Variants in ARRB2 observed in about 807,000 individuals in gnomAD.
The protein encoded by ARRB2 is arrestin beta 2.
A neutral mutation model predicts 53.4 loss-of-function variants in ARRB2; 21 were observed. The ratio of observed to expected loss-of-function variants is 0.39; its 90% CI spans 0.28 to 0.57. The LOEUF (loss-of-function observed/expected upper bound fraction) is 0.57. Ranked by LOEUF, ARRB2 falls within the 20% of genes least tolerant of loss-of-function variation. ARRB2 has a pLI of 0.55. For missense variants in ARRB2, 369 were observed against 527.5 expected (o/e 0.70, Z 2.94); for synonymous variants, 180 against 212.9 (o/e 0.85, Z 1.34).
rs757550504 is a variant in ARRB2, at chr17:4,718,625, C to T, written c.720C>T (p.Ala240=). The T allele has an allele frequency of 4.1e-5, 66 of 1,613,482 alleles. No homozygotes were observed. Among genetic ancestry groups the T allele is most frequent in the Non-Finnish European group, 5.1e-5 (60 of 1,179,986 alleles). The change falls in exon 10 of 15, where the codon GCC becomes GCT. Residue 240 remains alanine, a synonymous_variant. Coordinates refer to ENST00000269260, the MANE Select transcript of ARRB2 (RefSeq NM_004313.4). ...CCCACCCCACAGTGAGACAGTACGC[C>T]GACATCTGCCTCTTCAGCACCGCCC... ...KKIKVSVRQY[A]DICLFSTAQY... is the part of the protein sequence containing the mutation.
In ARRB2 at chr17:4,717,817, G is replaced by T. The variant is rs1049979407; in HGVS notation, c.485+65G>T. ...TTCCTCCCCGCTTCCAGGAGCCCAG[G>T]CCCCGTGCGGGGGAGGAGTAGGGTT... is the stretch of plus-strand genomic sequence containing the variant. On this transcript the variant is annotated intron_variant, in intron 7 of 14. Transcript: ENST00000269260. This position sits in a 1 kb window ranked among gnomAD's most constrained non-coding sequence, Gnocchi z 6.0. 1 of 1,601,982 alleles carries T rather than the reference G, an allele frequency of 6.2e-7. No individual in the cohort carries two copies. Among genetic ancestry groups the T allele is most frequent in the South Asian group, 1.1e-5 (1 of 90,874 alleles).
At position 4,721,463 on chromosome 17, in the gene ARRB2, G is replaced by A; in HGVS notation, c.*424G>A. The A allele has an allele frequency of 1.8e-5, 7 of 387,420 alleles. No homozygotes were observed. The highest frequency in any genetic ancestry group is 3.2e-5 in the Non-Finnish European group (7 of 219,058). 24.0% of individuals were successfully genotyped at this position (387,420 alleles called of 1,614,324 possible). The stretch of plus-strand genomic sequence containing the variant: ...GGGACAAGGCCGTTTCTTTGTTTCT[G>A]AGCATAAAGAAGAAAATAAATCTTT... On this transcript the variant is annotated 3_prime_UTR_variant, in exon 15 of 15. Coordinates refer to ENST00000269260, the MANE Select transcript of ARRB2 (RefSeq NM_004313.4). This position sits in a 1 kb window ranked among gnomAD's most constrained non-coding sequence, Gnocchi z 4.2.
chr17:4,715,470 A>AAC lies in ARRB2; in HGVS notation c.54+441_54+442dup, dbSNP rs1164609996. On this transcript the variant is annotated intron_variant, in intron 2 of 14. Coordinates refer to ENST00000269260, the MANE Select transcript of ARRB2 (RefSeq NM_004313.4). ...GGGCTGAGTTCTCCCCGAGGATCCA[A>AAC]ACACACACACACACAGACACACACA... 1,794 of 203,532 alleles carry AAC rather than the reference A, an allele frequency of 8.8e-3. 39 individuals are homozygous for AAC. Among genetic ancestry groups the AAC allele is most frequent in the African/African-American group, 0.046 (1,595 of 35,026 alleles). The allele number at this position is 203,532 out of a possible 1,614,324, so 12.6% of individuals were successfully genotyped here. A position where few individuals can be genotyped will look rare whatever the true frequency, so the allele number is the denominator to read the frequency against.
chr17:4,714,880 G>T, intron 1 of ARRB2, 133 bp from the exon 2 acceptor site: 1 of 884,298 alleles, frequency 1.1e-6, no homozygotes, highest in South Asian at 1.9e-5. Context: ...GGCAGAGCTG[G>T]GCAAAGCCCC....
chr17:4,716,086 C>T (rs878879851), intron 3 of ARRB2, 53 bp downstream of exon 3: 114 of 1,613,970 alleles, frequency 7.1e-5, no homozygotes, highest in Non-Finnish European at 8.3e-5. Context: ...AAGAAGTTCC[C>T]GGGCCCAGGA....
chr17:4,715,827 T>A, intron 2 of ARRB2, 146 bp from the exon 3 acceptor site: 1 of 899,126 alleles, frequency 1.1e-6, no homozygotes. Flanking sequence ...CACCCTCACT[T>A]TCCAACACTA....
chr17:4,712,258 G>A (rs1237089498), intron 1 of ARRB2, among the ~76,000 whole-genome samples: 2 of 152,254 alleles, frequency 1.3e-5, no homozygotes, highest in Admixed American at 1.3e-4. Flanking sequence ...CCATATCGAT[G>A]TGTATTCTCT....
In ARRB2 at chr17:4,716,376, G is replaced by A. The variant is rs35242703; in HGVS notation, c.161-36G>A. The A allele has an allele frequency of 4.3e-3, 6,991 of 1,613,926 alleles. 155 individuals carry two copies. The highest frequency in any genetic ancestry group is 0.04 in the African/African-American group (3,026 of 74,978). ...TAGGTGCCAGGGGACTGGGGAAGTGGGGCTCCTGACCACTCATCTCACCCT... is the reference window on the plus strand; with the variant it reads ...TAGGTGCCAGGGGACTGGGGAAGTGAGGCTCCTGACCACTCATCTCACCCT... On this transcript the variant is annotated intron_variant, in intron 4 of 14. Transcript: ENST00000269260.
intron 1 of ARRB2, among the ~76,000 whole-genome samples, chr17:4,714,321 C>A (rs574144590): frequency 5.3e-5 from 8 of 152,172 alleles, no homozygotes; most frequent in African/African-American, 1.9e-4. Flanking sequence ...TGAGTAGAGT[C>A]GAACTTGGGT....
intron 1 of ARRB2, among the ~76,000 whole-genome samples, chr17:4,711,896 TCTGCTTCAGCTACCC>T (rs1261616161): frequency 6.6e-6 from 1 of 152,194 alleles, no homozygotes; most frequent in Non-Finnish European, 1.5e-5. Flanking sequence ...TGAAAGGACA[TCTGCTTCAGCTACCC>T]CTGCTCCCAC....
At chr17:4,711,043 G>A (rs1233303667) in intron 1 of ARRB2, among the ~76,000 whole-genome samples, 1 of 152,134 alleles carries the variant, frequency 6.6e-6, no homozygotes, top group Non-Finnish European at 1.5e-5. Flanking sequence ...CAGGGATGGA[G>A]GAAGGAGGAG....
chr17:4,715,156 C>A, intron 2 of ARRB2, 113 bp downstream of exon 2: 1 of 1,251,018 alleles, frequency 8.0e-7, no homozygotes, highest in South Asian at 1.4e-5. Flanking sequence ...CCTAGCTCCC[C>A]ACTTCCTGTG....
intron 9 of ARRB2, 26 bp downstream of exon 9, chr17:4,718,371 T>C: frequency 6.3e-7 from 1 of 1,594,710 alleles, no homozygotes. Flanking sequence ...TGGAAGGGGG[T>C]CTTCGGGGAG....
chr17:4,720,806 C>A, intron 14 of ARRB2, 140 bp from the exon 15 acceptor site: 1 of 1,063,360 alleles, frequency 9.4e-7, no homozygotes, highest in Non-Finnish European at 1.4e-6. Context: ...TTTTCTTTGT[C>A]CCTTCCTGTA....
At chr17:4,715,891 G>C in intron 2 of ARRB2, 82 bp from the exon 3 acceptor site, 1 of 1,502,922 alleles carries the variant, frequency 6.7e-7, no homozygotes, top group Non-Finnish European at 9.3e-7. Flanking sequence ...GGAGATCCCC[G>C]GGCAGGGCAG....
intron 10 of ARRB2, 98 bp downstream of exon 10, chr17:4,718,782 CTTTTTT>C: frequency 1.2e-6 from 1 of 867,718 alleles, no homozygotes; most frequent in Non-Finnish European, 1.6e-6. Context: ...CCATCTCCAC[CTTTTTT>C]TTTTTTTTTG....
At chr17:4,720,698 A>G in intron 14 of ARRB2, 58 bp downstream of exon 14, 1 of 1,415,104 alleles carries the variant, frequency 7.1e-7, no homozygotes. Context: ...ATAACATTCA[A>G]ATCTGCCCTC....
intron 2 of ARRB2, chr17:4,715,726 A>AACACAC: frequency 4.0e-6 from 1 of 251,844 alleles, no homozygotes; most frequent in Non-Finnish European, 7.4e-6. Flanking sequence ...CACACACACA[A>AACACAC]ACACACACAC....
At position 4,721,155 on chromosome 17, in the gene ARRB2, GCTT is replaced by G; in HGVS notation, c.*121_*123del. On this transcript the variant is annotated 3_prime_UTR_variant, in exon 15 of 15. Coordinates refer to ENST00000269260, the MANE Select transcript of ARRB2 (RefSeq NM_004313.4). The surrounding 1 kb of genome is among the most constrained non-coding windows in gnomAD (Gnocchi z 4.2). ...CCTCTTCCCTTCCCCTCACCTGGAA[GCTT>G]CTTCAACCAATCCCTTCACACTCTC... 2 of 1,092,144 alleles carry G rather than the reference GCTT, an allele frequency of 1.8e-6. No homozygotes were observed. The highest frequency in any genetic ancestry group is 2.7e-6 in the Non-Finnish European group (2 of 744,520). The allele number at this position is 1,092,144 out of a possible 1,614,324, so 67.7% of individuals were successfully genotyped here.
Sources: gnomAD v4.1 joint callset for allele counts (sites outside exome capture counted in the v4.1 genomes callset) on GRCh38, gnomAD v4.1.1 for gene constraint, Gnocchi (gnomAD v3.1) non-coding constraint, MANE v1.5 for transcripts, NCBI Gene and HGNC (gene_info 2026-07-23, HGNC 2026-07-21) for gene names.